Variants in OSBPL3 observed in about 807,000 individuals in gnomAD.
OSBPL3 encodes the protein oxysterol-binding protein-related protein 3.
In OSBPL3, 65 loss-of-function variants were observed where a neutral mutation model predicts 120.1. That is an observed-to-expected ratio of 0.54 (90% CI 0.44 to 0.67). The LOEUF (loss-of-function observed/expected upper bound fraction) is 0.67, where lower values mean the gene tolerates loss of function less well. Among genes scored for constraint, OSBPL3 ranks in the 30% least tolerant of loss-of-function variants. The probability of loss-of-function intolerance (pLI) is 0.00; values close to 1 mark genes in which losing one functional copy is unlikely to be tolerated. For missense variants in OSBPL3, 1,004 were observed against 1,082.1 expected, an observed-to-expected ratio of 0.93 and a Z score of 1.01; for synonymous variants, 416 against 402.6, an observed-to-expected ratio of 1.03 and a Z score of -0.40.
Position 24,840,798 on chromosome 7 carries a change from A to G in OSBPL3, c.1402-15T>C, listed in dbSNP as rs372256404. The G allele has an allele frequency of 4.2e-5, 48 of 1,153,036 alleles. No individual in the cohort carries two copies. Among genetic ancestry groups the G allele is most frequent in the Non-Finnish European group, 5.8e-5 (46 of 791,566 alleles). The allele number at this position is 1,153,036 out of a possible 1,614,324, so 71.4% of individuals were successfully genotyped here. On this transcript the variant is annotated splice_polypyrimidine_tract_variant and intron_variant, in intron 13 of 22. Transcript: ENST00000313367. ...TCATCAGAAATCTATGGGAAAGAAG[A>G]AATAACATTCATTAGAGTTAGAATA...
Position 24,800,075 on chromosome 7 carries a change from C to A in OSBPL3, c.*108G>T. ...AAGAGTTACAATGCTAAGCTAAGCA[C>A]AAGTGATCATCCTAGAGTATCTTTT... is the stretch of plus-strand genomic sequence containing the variant. On this transcript the variant is annotated 3_prime_UTR_variant, in exon 23 of 23. Coordinates refer to ENST00000313367, the MANE Select transcript of OSBPL3 (RefSeq NM_015550.4). 4 of 622,356 alleles carry A rather than the reference C, an allele frequency of 6.4e-6. No individual in the cohort carries two copies. Among genetic ancestry groups the A allele is most frequent in the Non-Finnish European group, 1.2e-5 (4 of 344,046 alleles). The allele number at this position is 622,356 out of a possible 1,614,324, so 38.6% of individuals were successfully genotyped here.
In OSBPL3 at chr7:24,847,573, T is replaced by C. The variant is rs1172562143; in HGVS notation, c.1266+1496A>G. ...AAAAACATGTATTTTAAAAGACTTG[T>C]GATTTTGGTTTCCTTTCCAAAACAC... On this transcript the variant is annotated intron_variant, in intron 12 of 22. Transcript: ENST00000313367. Among the ~76,000 whole-genome samples, 8 of 152,230 alleles carry C rather than the reference T, an allele frequency of 5.3e-5. No homozygotes were observed. The East Asian group carries it at 1.2e-3, about 22-fold the overall frequency.
rs1265105837 is a variant in OSBPL3 at position 24,877,399 on chromosome 7, AT to A, written c.97-5331del. Among the ~76,000 whole-genome samples, 1 of 151,800 alleles carries A rather than the reference AT, an allele frequency of 6.6e-6. No individual in the cohort carries two copies. The highest frequency in any genetic ancestry group is 2.4e-5 in the African/African-American group (1 of 41,302). On this transcript the variant is annotated intron_variant, in intron 2 of 22. Transcript: ENST00000313367. This position sits in a 1 kb window ranked among gnomAD's most constrained non-coding sequence, Gnocchi z 4.8. ...TAAGGCTGCCAAGTCTTCGCCATTC[AT>A]TTTTTTTCATATTTGGAAAGCCTGC...
Position 24,830,822 on chromosome 7 carries a change from T to A in OSBPL3, c.1830A>T (p.Gly610=). ...CCTCCCGAATACATTCATATGTTTC[T>A]CCAAGAACCGGATTAAATGGCTTGC... ...AGSKPFNPVL[G]ETYECIREDK... The change falls in exon 16 of 23, where the codon GGA becomes GGT. Residue 610 remains glycine, a synonymous_variant. Transcript: ENST00000313367. The surrounding 1 kb of genome is among the most constrained non-coding windows in gnomAD (Gnocchi z 4.4). 6.2e-7 allele frequency: 1 copy of A among 1,614,140 alleles called. No individual in the cohort carries two copies. The highest frequency in any genetic ancestry group is 8.5e-7 in the Non-Finnish European group (1 of 1,180,008).
At chr7:24,884,941 A>T (rs1012774673) in intron 2 of OSBPL3, among the ~76,000 whole-genome samples, 4 of 152,144 alleles carry the variant, frequency 2.6e-5, no homozygotes, top group Admixed American at 6.5e-5. Context: ...ACTGAAATAA[A>T]TTTAGAGATG....
intron 10 of OSBPL3, among the ~76,000 whole-genome samples, chr7:24,853,202 C>T (rs1388129324): frequency 6.6e-6 from 1 of 152,112 alleles, no homozygotes; most frequent in Non-Finnish European, 1.5e-5. Flanking sequence ...ATTGGTTTTC[C>T]AGGGGAAAAT....
In OSBPL3 at chr7:24,938,779, ATGTGTGTGTGTGTGTGTGTGTGTGTG is replaced by A. The variant is rs142720310; in HGVS notation, c.-150+41081_-150+41106del. Reference sequence around the variant, plus strand: ...AACTGAATAATGAGGTTTTGTTTTGATGTGTGTGTGTGTGTGTGTGTGTGTGTGTGTGTGTGTGTGTGTGTGTGTGT... The same window carrying A: ...AACTGAATAATGAGGTTTTGTTTTGATGTGTGTGTGTGTGTGTGTGTGTGT... On this transcript the variant is annotated intron_variant, in intron 1 of 22. Coordinates refer to ENST00000313367, the MANE Select transcript of OSBPL3 (RefSeq NM_015550.4). The surrounding 1 kb of genome is among the most constrained non-coding windows in gnomAD (Gnocchi z 5.8). Among the ~76,000 whole-genome samples, 3 of 94,256 alleles carry A rather than the reference ATGTGTGTGTGTGTGTGTGTGTGTGTG, an allele frequency of 3.2e-5. No homozygotes were observed. The highest frequency in any genetic ancestry group is 8.2e-5 in the African/African-American group (2 of 24,502). The allele number at this position is 94,256 out of a possible 152,430, so 61.8% of individuals were successfully genotyped here.
intron 2 of OSBPL3, among the ~76,000 whole-genome samples, chr7:24,876,710 C>A (rs532987674): frequency 1.3e-5 from 2 of 152,080 alleles, no homozygotes; most frequent in East Asian, 3.9e-4. Context: ...AAGAATAGTG[C>A]CTCAGGAAAT....
At chr7:24,914,674 A>G (rs1809299771) in intron 1 of OSBPL3, among the ~76,000 whole-genome samples, 1 of 152,188 alleles carries the variant, frequency 6.6e-6, no homozygotes, top group African/African-American at 2.4e-5. Context: ...GCCAAAACTT[A>G]AGTGTGTGAA....
chr7:24,898,257 C>A lies in OSBPL3; in HGVS notation c.-149-5636G>T, dbSNP rs552249264. ...TCTAATCACAACTTCAGATACCGAT[C>A]GGTGATCCCGGACCTCTGAAGTGCT... On this transcript the variant is annotated intron_variant, in intron 1 of 22. Coordinates refer to ENST00000313367, the MANE Select transcript of OSBPL3 (RefSeq NM_015550.4). The surrounding 1 kb of genome is among the most constrained non-coding windows in gnomAD (Gnocchi z 4.3). Among the ~76,000 whole-genome samples the A allele has an allele frequency of 6.6e-6, 1 of 152,142 alleles. No individual in the cohort carries two copies. The highest frequency in any genetic ancestry group is 1.5e-5 in the Non-Finnish European group (1 of 68,034).
At chr7:24,979,856 C>T in intron 1 of OSBPL3, 30 bp downstream of exon 1, 3 of 946,418 alleles carry the variant, frequency 3.2e-6, no homozygotes, top group Non-Finnish European at 3.8e-6. Flanking sequence ...GACACCCAGG[C>T]CCCATTTAGG....
At position 24,824,241 on chromosome 7, in the gene OSBPL3, C is replaced by T. The variant is rs1036083620; in HGVS notation, c.1885-4003G>A. Among the ~76,000 whole-genome samples, 1 of 152,142 alleles carries T rather than the reference C, an allele frequency of 6.6e-6. No individual in the cohort carries two copies. Among genetic ancestry groups the T allele is most frequent in the African/African-American group, 2.4e-5 (1 of 41,418 alleles). ...ACAAGCCCCAATACAGTTCCCCTGG[C>T]AGTTAAGAATTCTGGTAATTTATAA... On this transcript the variant is annotated intron_variant, in intron 16 of 22. Transcript: ENST00000313367. This position sits in a 1 kb window ranked among gnomAD's most constrained non-coding sequence, Gnocchi z 4.9.
At position 24,951,736 on chromosome 7, in the gene OSBPL3, G is replaced by C. The variant is rs187625914; in HGVS notation, c.-150+28150C>G. On this transcript the variant is annotated intron_variant, in intron 1 of 22. Coordinates refer to ENST00000313367, the MANE Select transcript of OSBPL3 (RefSeq NM_015550.4). The stretch of plus-strand genomic sequence containing the variant: ...AAGGGCTGACAAACACACCACGGGG[G>C]AGAAACCTGTATTAATGATCCTCAT... Among the ~76,000 whole-genome samples, 57 of 152,260 alleles carry C rather than the reference G, an allele frequency of 3.7e-4. No individual in the cohort carries two copies. In the East Asian group the frequency reaches 6.6e-3, roughly 17 times the overall value.
chr7:24,979,170 C>T (rs765668821), intron 1 of OSBPL3, among the ~76,000 whole-genome samples: 1 of 152,114 alleles, frequency 6.6e-6, no homozygotes, highest in Non-Finnish European at 1.5e-5. Context: ...GTGCATAAGT[C>T]CCTAAGACCC....
At chr7:24,807,617 T>C (rs1039182022) in intron 20 of OSBPL3, among the ~76,000 whole-genome samples, 2 of 152,192 alleles carry the variant, frequency 1.3e-5, no homozygotes, top group African/African-American at 2.4e-5. Context: ...TCAAATTCTC[T>C]TGAAACTCTG....
At chr7:24,889,263 G>C in intron 2 of OSBPL3, among the ~76,000 whole-genome samples, 1 of 152,186 alleles carries the variant, frequency 6.6e-6, no homozygotes, top group Non-Finnish European at 1.5e-5. Context: ...AAAGAAAAAT[G>C]CTGCATGATT....
intron 1 of OSBPL3, among the ~76,000 whole-genome samples, chr7:24,975,579 T>G (rs578078744): frequency 6.6e-6 from 1 of 152,322 alleles, no homozygotes; most frequent in East Asian, 1.9e-4. Flanking sequence ...TTTAGTGATG[T>G]GAGGAATAGA....
In OSBPL3 at chr7:24,867,422, T is replaced by A. The variant is rs1801481407; in HGVS notation, c.382-1185A>T. On this transcript the variant is annotated intron_variant, in intron 5 of 22. Transcript: ENST00000313367. The surrounding 1 kb of genome is among the most constrained non-coding windows in gnomAD (Gnocchi z 4.5). ...TGTCCCATGTCCCACCCAAATCTCA[T>A]CCTGAATTCCCACATTTTGTGGGAG... Among the ~76,000 whole-genome samples, 1 of 152,172 alleles carries A rather than the reference T, an allele frequency of 6.6e-6. No homozygotes were observed. Among genetic ancestry groups the A allele is most frequent in the South Asian group, 2.1e-4 (1 of 4,826 alleles).
chr7:24,868,473 G>C (rs1474168759), intron 5 of OSBPL3, among the ~76,000 whole-genome samples: 1 of 151,084 alleles, frequency 6.6e-6, no homozygotes, highest in Non-Finnish European at 1.5e-5. Flanking sequence ...TGTAATTTAA[G>C]ATAATCCAAA....
Sources: allele counts gnomAD v4.1 joint callset (sites outside exome capture counted in the v4.1 genomes callset), GRCh38; gene constraint gnomAD v4.1.1; non-coding constraint Gnocchi (gnomAD v3.1); transcripts MANE v1.5; gene names NCBI Gene and HGNC (gene_info 2026-07-23, HGNC 2026-07-21).